Variants in GNAS observed in about 807,000 individuals in gnomAD.
The protein encoded by GNAS is protein ALEX.
GNAS carries 8 observed loss-of-function variants against 54.5 expected under a neutral mutation model. The observed-to-expected ratio is 0.15, with a 90% CI of 0.09 to 0.26. The LOEUF (loss-of-function observed/expected upper bound fraction) is 0.26, where lower values mean the gene tolerates loss of function less well. Ranked by LOEUF, GNAS falls within the 10% of genes least tolerant of loss-of-function variation. GNAS has a pLI of 1.00. For synonymous variants in GNAS, 204 were observed against 191.4 expected, an observed-to-expected ratio of 1.07 and a Z score of -0.54; for missense variants, 170 against 529.8, an observed-to-expected ratio of 0.32 and a Z score of 6.67.
At chr20:58,904,098 G>A (rs1285738763) in intron 5 of GNAS, among the ~76,000 whole-genome samples, 1 of 152,156 alleles carries the variant, frequency 6.6e-6, no homozygotes. Context: ...CACTTTATTA[G>A]ATTGTAAATT....
intron 1 of GNAS, among the ~76,000 whole-genome samples, chr20:58,844,652 C>A (rs548845059): frequency 6.9e-4 from 103 of 149,972 alleles, no homozygotes; most frequent in Non-Finnish European, 1.1e-3. Context: ...GCTTAAGAAG[C>A]CTGGGGTTGT....
chr20:58,904,652 G>A (rs867788530), intron 5 of GNAS, among the ~76,000 whole-genome samples: 1 of 152,152 alleles, frequency 6.6e-6, no homozygotes, highest in Non-Finnish European at 1.5e-5. Context: ...GCTTTCGTGG[G>A]AATTTGTGTT....
At position 58,853,144 on chromosome 20, in the gene GNAS, C is replaced by G. The variant is rs555162326; in HGVS notation, c.43+12258C>G. ...CCTCACAAGGGTTGGAAAGTGAGGC[C>G]GGTGAACTTTCCAGCTGGTACTTTG... is the stretch of plus-strand genomic sequence containing the variant. On this transcript the variant is annotated intron_variant, in intron 1 of 12. Coordinates refer to the GNAS transcript ENST00000306090. The surrounding 1 kb of genome is among the most constrained non-coding windows in gnomAD (Gnocchi z 4.4). 108 of 1,434,220 alleles carry G rather than the reference C, an allele frequency of 7.5e-5. 1 individual carries two copies. In the East Asian group the frequency reaches 2.3e-3, roughly 30 times the overall value. 88.8% of individuals were successfully genotyped at this position (1,434,220 alleles called of 1,614,324 possible). A position where few individuals can be genotyped will look rare whatever the true frequency, so the allele number is the denominator to read the frequency against.
At chr20:58,906,343 G>T (rs751066732) in intron 6 of GNAS, among the ~76,000 whole-genome samples, 5 of 152,190 alleles carry the variant, frequency 3.3e-5, no homozygotes, top group Non-Finnish European at 4.4e-5. Context: ...TGCTTCCCTT[G>T]CTGCCTAACA....
chr20:58,846,328 T>G (rs1170739267), intron 1 of GNAS, among the ~76,000 whole-genome samples: 1 of 152,110 alleles, frequency 6.6e-6, no homozygotes, highest in South Asian at 2.1e-4. Flanking sequence ...AGGGACAGAC[T>G]TCAGCTCAAC....
intron 1 of GNAS, among the ~76,000 whole-genome samples, chr20:58,866,061 G>A (rs2087047895): frequency 6.6e-6 from 1 of 152,172 alleles, no homozygotes; most frequent in Non-Finnish European, 1.5e-5. Context: ...GATGGCTGCT[G>A]ACAACGTATC....
chr20:58,868,732 C>G (rs1036791528), intron 1 of GNAS, among the ~76,000 whole-genome samples: 1 of 152,176 alleles, frequency 6.6e-6, no homozygotes, highest in African/African-American at 2.4e-5. Context: ...CTCTCTCACT[C>G]TCTTCTAAGA....
intron 3 of GNAS, chr20:58,903,134 T>C (rs1190483927): frequency 8.3e-6 from 3 of 363,442 alleles, no homozygotes; most frequent in Non-Finnish European, 1.6e-5. Context: ...TGGGACTGTT[T>C]TGTTCCACCC....
intron 2 of GNAS, chr20:58,898,583 A>G (rs1469337675): frequency 2.9e-6 from 1 of 349,318 alleles, no homozygotes; most frequent in Non-Finnish European, 5.4e-6. Context: ...ATGCGCTGCC[A>G]TATTCTCCAA....
chr20:58,910,253 C>G lies in GNAS; in HGVS notation c.971-81C>G, dbSNP rs1046237123. 7.8e-7 allele frequency: 1 copy of G among 1,289,760 alleles called. No individual in the cohort carries two copies. Among genetic ancestry groups the G allele is most frequent in the African/African-American group, 1.5e-5 (1 of 68,864 alleles). 79.9% of individuals were successfully genotyped at this position (1,289,760 alleles called of 1,614,324 possible). Reference sequence around the variant, plus strand: ...TATGGAAAAATCAGGGTTTTGAAGACTTCAGGAGCTACAGAGATGCTAGCA... The same window carrying G: ...TATGGAAAAATCAGGGTTTTGAAGAGTTCAGGAGCTACAGAGATGCTAGCA... On this transcript the variant is annotated intron_variant, in intron 11 of 12. Coordinates refer to ENST00000371085, the MANE Select transcript of GNAS (RefSeq NM_000516.7). The surrounding 1 kb of genome is among the most constrained non-coding windows in gnomAD (Gnocchi z 5.8).
At chr20:58,869,130 C>T (rs144704792) in intron 1 of GNAS, among the ~76,000 whole-genome samples, 26 of 152,324 alleles carry the variant, frequency 1.7e-4, no homozygotes, top group African/African-American at 6.0e-4. Flanking sequence ...GGAAAGCACA[C>T]GATCAGGTAA....
At position 58,853,952 on chromosome 20, in the gene GNAS, T is replaced by A. The variant is rs1475283320; in HGVS notation, c.43+13066T>A. ...AGGAGACTATGCCATTTGAGCTTGATGGAGAAGGATTTGGGGACGACAGCC... is the reference window on the plus strand; with the variant it reads ...AGGAGACTATGCCATTTGAGCTTGAAGGAGAAGGATTTGGGGACGACAGCC... On this transcript the variant is annotated intron_variant, in intron 1 of 12. Transcript: ENST00000306090. The surrounding 1 kb of genome is among the most constrained non-coding windows in gnomAD (Gnocchi z 4.4). 6.2e-7 allele frequency: 1 copy of A among 1,612,212 alleles called. No homozygotes were observed. Among genetic ancestry groups the A allele is most frequent in the South Asian group, 1.1e-5 (1 of 90,988 alleles).
chr20:58,877,369 G>A (rs1042629291), intron 1 of GNAS, among the ~76,000 whole-genome samples: 4 of 152,116 alleles, frequency 2.6e-5, no homozygotes, highest in South Asian at 2.1e-4. Flanking sequence ...ATGGTGAATA[G>A]GATGGCCCAA....
Position 58,909,309 on chromosome 20 carries a change from G to A in GNAS, c.586-41G>A, listed in dbSNP as rs1321477157. On this transcript the variant is annotated intron_variant, in intron 7 of 12. Coordinates refer to ENST00000371085, the MANE Select transcript of GNAS (RefSeq NM_000516.7). This position sits in a 1 kb window ranked among gnomAD's most constrained non-coding sequence, Gnocchi z 7.3. ...TAGATTGGCAATTATTACTGTTTCG[G>A]TTGGCTTTGGTGAGATCCATTGACC... 8 of 1,592,174 alleles carry A rather than the reference G, an allele frequency of 5.0e-6. No individual in the cohort carries two copies. The highest frequency in any genetic ancestry group is 6.9e-6 in the Non-Finnish European group (8 of 1,160,160).
Position 58,899,005 on chromosome 20 carries a change from G to GA in GNAS, c.257+26dup. 1.9e-6 allele frequency: 3 copies of GA among 1,599,850 alleles called. No individual in the cohort carries two copies. The highest frequency in any genetic ancestry group is 1.7e-5 in the Admixed American group (1 of 60,002). ...CGATGGGTAGGCACATTCAAAACCA[G>GA]AAAAAATTGTTAACAAACCAAACAA... On this transcript the variant is annotated intron_variant, in intron 3 of 12. Transcript: ENST00000371085.
chr20:58,903,407 T>A, intron 3 of GNAS, 124 bp from the exon 4 acceptor site: 1 of 851,614 alleles, frequency 1.2e-6, no homozygotes, highest in Non-Finnish European at 1.9e-6. Context: ...TTTGCACAGA[T>A]CCGAACCCAC....
intron 1 of GNAS, among the ~76,000 whole-genome samples, chr20:58,879,970 T>C (rs551704128): frequency 6.6e-6 from 1 of 152,274 alleles, no homozygotes; most frequent in Admixed American, 6.5e-5. Flanking sequence ...TTCTGTTCCT[T>C]GAAAAAAAAG....
chr20:58,840,929 G>C lies in GNAS; in HGVS notation c.43+43G>C, dbSNP rs539043629. On this transcript the variant is annotated intron_variant, in intron 1 of 12. Coordinates refer to the GNAS transcript ENST00000306090. This position sits in a 1 kb window ranked among gnomAD's most constrained non-coding sequence, Gnocchi z 6.0. ...AAACTGGGGAGCCTGAGGGCGGTGT[G>C]GGAGCAGCGCAGGTGGAAAGGAGGT... 1.2e-6 allele frequency: 2 copies of C among 1,603,516 alleles called. No homozygotes were observed. The highest frequency in any genetic ancestry group is 1.7e-6 in the Non-Finnish European group (2 of 1,174,186).
At chr20:58,850,295 T>C (rs1019618890) in intron 1 of GNAS, among the ~76,000 whole-genome samples, 2 of 152,328 alleles carry the variant, frequency 1.3e-5, no homozygotes, top group East Asian at 3.9e-4. Flanking sequence ...TTTGTCTAAC[T>C]TGTTAAATTT....
Sources: gnomAD v4.1 joint callset for allele counts (sites outside exome capture counted in the v4.1 genomes callset) on GRCh38, gnomAD v4.1.1 for gene constraint, Gnocchi (gnomAD v3.1) non-coding constraint, MANE v1.5 for transcripts, NCBI Gene and HGNC (gene_info 2026-07-23, HGNC 2026-07-21) for gene names.